Variants in GTF2F2 observed in about 807,000 individuals in gnomAD.
GTF2F2 encodes ATP-dependent helicase GTF2F2.
GTF2F2 carries 23 observed loss-of-function variants against 42.2 expected under a neutral mutation model. The ratio of observed to expected loss-of-function variants is 0.55; its 90% CI spans 0.39 to 0.77. The LOEUF (loss-of-function observed/expected upper bound fraction) is 0.77, where lower values mean the gene tolerates loss of function less well. Among genes scored for constraint, GTF2F2 ranks in the 30% least tolerant of loss-of-function variants. GTF2F2 has a pLI of 0.00. For synonymous variants in GTF2F2, 105 were observed against 100.8 expected (o/e 1.04, Z -0.25); for missense variants, 261 against 287.2 (o/e 0.91, Z 0.66).
intron 2 of GTF2F2, among the ~76,000 whole-genome samples, chr13:45,139,922 A>G (rs1428772427): frequency 1.3e-5 from 2 of 152,178 alleles, no homozygotes; most frequent in African/African-American, 4.8e-5. Context: ...AGTCCTTTAT[A>G]TAAAATGGCA....
chr13:45,223,262 T>TAAAAAAAAAA (rs60690884), intron 5 of GTF2F2, among the ~76,000 whole-genome samples: 2 of 96,318 alleles, frequency 2.1e-5, no homozygotes, highest in African/African-American at 3.5e-5. Flanking sequence ...CTTGTCTCAA[T>TAAAAAAAAAA]AAAAAAAAAA....
intron 7 of GTF2F2, among the ~76,000 whole-genome samples, chr13:45,275,410 A>G (rs1876989475): frequency 6.6e-6 from 1 of 150,978 alleles, no homozygotes; most frequent in African/African-American, 2.4e-5. Flanking sequence ...CCATTAACTC[A>G]TCATTTACAT....
chr13:45,232,984 A>G (rs1006641740), intron 5 of GTF2F2, among the ~76,000 whole-genome samples: 1 of 152,196 alleles, frequency 6.6e-6, no homozygotes, highest in South Asian at 2.1e-4. Context: ...TCACTTGACC[A>G]TCTGTTACAA....
intron 2 of GTF2F2, among the ~76,000 whole-genome samples, chr13:45,138,658 T>G (rs1400269846): frequency 6.6e-6 from 1 of 152,204 alleles, no homozygotes; most frequent in Admixed American, 6.5e-5. Flanking sequence ...ATTATTATTA[T>G]TTTTCGAGAC....
chr13:45,222,373 C>G (rs1566140074), intron 5 of GTF2F2, among the ~76,000 whole-genome samples: 1 of 151,904 alleles, frequency 6.6e-6, no homozygotes, highest in East Asian at 1.9e-4. Flanking sequence ...AGGGCCCTTC[C>G]CTTGTTAAGT....
intron 5 of GTF2F2, among the ~76,000 whole-genome samples, chr13:45,234,820 C>T (rs984795744): frequency 1.3e-5 from 2 of 151,866 alleles, no homozygotes; most frequent in Admixed American, 6.6e-5. Context: ...CCAAGGCAGG[C>T]GAATCACCTG....
intron 1 of GTF2F2, among the ~76,000 whole-genome samples, chr13:45,127,155 CTAT>C (rs111562048): frequency 1.3e-5 from 2 of 152,122 alleles, no homozygotes; most frequent in Non-Finnish European, 2.9e-5. Flanking sequence ...AATTAATGTG[CTAT>C]TATTATTATT....
chr13:45,248,779 AC>A (rs371876579), intron 5 of GTF2F2, among the ~76,000 whole-genome samples: 50 of 152,216 alleles, frequency 3.3e-4, no homozygotes, highest in African/African-American at 1.1e-3. Flanking sequence ...CCCAGCCAGC[AC>A]CAAGTATTTT....
At chr13:45,275,268 C>T (rs1302868231) in intron 7 of GTF2F2, among the ~76,000 whole-genome samples, 5 of 151,990 alleles carry the variant, frequency 3.3e-5, no homozygotes, top group African/African-American at 1.2e-4. Context: ...TACCAAAATC[C>T]AAGTATGATC....
chr13:45,144,942 G>A (rs922831584), intron 2 of GTF2F2, among the ~76,000 whole-genome samples: 3 of 152,104 alleles, frequency 2.0e-5, no homozygotes, highest in African/African-American at 7.2e-5. Context: ...TACACAACAT[G>A]CACACATATT....
chr13:45,271,949 T>C (rs1276045087), intron 7 of GTF2F2, among the ~76,000 whole-genome samples: 3 of 152,126 alleles, frequency 2.0e-5, no homozygotes, highest in African/African-American at 7.2e-5. Flanking sequence ...TGAAGCTTAT[T>C]CCCAAATTTA....
chr13:45,131,284 G>A (rs189218522), intron 1 of GTF2F2, among the ~76,000 whole-genome samples: 2 of 152,152 alleles, frequency 1.3e-5, no homozygotes, highest in East Asian at 1.9e-4. Context: ...AAGTTAAGGG[G>A]CCAGAAAGAT....
At chr13:45,195,974 C>T in intron 4 of GTF2F2, among the ~76,000 whole-genome samples, 1 of 152,178 alleles carries the variant, frequency 6.6e-6, no homozygotes, top group African/African-American at 2.4e-5. Flanking sequence ...AAAAGTTAGA[C>T]TTTAGTTTAT....
In GTF2F2 at chr13:45,196,145, A is replaced by G. The variant is rs1011269708; in HGVS notation, c.305-11279A>G. ...TTCTTATAGTGATCTTGAAGTTAAC[A>G]TTTATGTATTATTGAGATCAAAAGT... On this transcript the variant is annotated intron_variant, in intron 4 of 7. Coordinates refer to ENST00000340473, the MANE Select transcript of GTF2F2 (RefSeq NM_004128.3). Among the ~76,000 whole-genome samples, 13 of 152,220 alleles carry G rather than the reference A, an allele frequency of 8.5e-5. 1 individual carries two copies. The highest frequency in any genetic ancestry group is 2.9e-4 in the African/African-American group (12 of 41,448).
intron 5 of GTF2F2, among the ~76,000 whole-genome samples, chr13:45,209,051 T>A (rs1488170691): frequency 1.3e-5 from 2 of 152,224 alleles, no homozygotes; most frequent in East Asian, 3.8e-4. Context: ...TTCTAAAGAT[T>A]TCTGATGATG....
intron 1 of GTF2F2, chr13:45,122,944 A>T (rs968932044): frequency 1.3e-5 from 2 of 152,144 alleles, no homozygotes; most frequent in Non-Finnish European, 1.5e-5. Flanking sequence ...CGGGAAAAAA[A>T]TTAGTGCTTC....
At chr13:45,149,418 G>C (rs1168355224) in intron 2 of GTF2F2, among the ~76,000 whole-genome samples, 1 of 142,136 alleles carries the variant, frequency 7.0e-6, no homozygotes, top group Non-Finnish European at 1.5e-5. Context: ...GGTTGATAGA[G>C]GGAGACCCTG....
At chr13:45,258,384 A>ATCTC (rs1274219420) in intron 6 of GTF2F2, among the ~76,000 whole-genome samples, 1 of 151,584 alleles carries the variant, frequency 6.6e-6, no homozygotes, top group African/African-American at 2.4e-5. Flanking sequence ...AAGAAGAAAA[A>ATCTC]TCTCCCTCCC....
chr13:45,279,359 A>C (rs1333131923), intron 7 of GTF2F2, among the ~76,000 whole-genome samples: 1 of 152,220 alleles, frequency 6.6e-6, no homozygotes, highest in Non-Finnish European at 1.5e-5. Context: ...TTAGCACTAA[A>C]ATGCAGATTT....
Sources: allele counts gnomAD v4.1 joint callset (sites outside exome capture counted in the v4.1 genomes callset), GRCh38; gene constraint gnomAD v4.1.1; transcripts MANE v1.5; gene names NCBI Gene and HGNC (gene_info 2026-07-23, HGNC 2026-07-21).